The following GRXCR1 variants were observed in gnomAD, a reference collection of about 807,000 sequenced individuals.
GRXCR1 encodes the protein glutaredoxin and cysteine rich domain containing 1.
A neutral mutation model predicts 27.3 loss-of-function variants in GRXCR1; 27 were observed. The observed-to-expected ratio is 0.99, with a 90% CI of 0.73 to 1.37. The LOEUF is 1.37. Ranked by LOEUF, GRXCR1 falls within the 40% of genes most tolerant of loss-of-function variation. GRXCR1 has a pLI of 0.00. For synonymous variants in GRXCR1, 122 were observed against 131.1 expected (o/e 0.93, Z 0.47); for missense variants, 379 against 354.4 (o/e 1.07, Z -0.56).
intron 2 of GRXCR1, among the ~76,000 whole-genome samples, chr4:42,982,756 T>C (rs1347573998): frequency 1.3e-5 from 2 of 148,932 alleles, no homozygotes; most frequent in Admixed American, 6.7e-5. Flanking sequence ...TTCTAACTGG[T>C]GTGAGATGGT....
intron 1 of GRXCR1, among the ~76,000 whole-genome samples, chr4:42,899,652 C>G (rs1746421485): frequency 6.6e-6 from 1 of 152,106 alleles, no homozygotes; most frequent in African/African-American, 2.4e-5. Context: ...TGTATAATGA[C>G]TTTTATCTTG....
At chr4:42,905,829 G>A (rs1169860998) in intron 1 of GRXCR1, among the ~76,000 whole-genome samples, 1 of 152,192 alleles carries the variant, frequency 6.6e-6, no homozygotes, top group African/African-American at 2.4e-5. Flanking sequence ...GGGCAGGAAT[G>A]TATCTGGCAT....
chr4:43,025,612 C>T (rs918797654), intron 3 of GRXCR1, among the ~76,000 whole-genome samples: 7 of 152,224 alleles, frequency 4.6e-5, no homozygotes, highest in African/African-American at 1.7e-4. Flanking sequence ...GTGCTATTCT[C>T]AACCAGGTCT....
intron 2 of GRXCR1, among the ~76,000 whole-genome samples, chr4:43,009,557 A>C (rs950268769): frequency 3.9e-5 from 6 of 152,158 alleles, no homozygotes; most frequent in African/African-American, 1.2e-4. Flanking sequence ...CATTTCTGTC[A>C]ATTGTGAGAC....
chr4:42,972,556 A>T (rs1336619934), intron 2 of GRXCR1, among the ~76,000 whole-genome samples: 1 of 152,170 alleles, frequency 6.6e-6, no homozygotes, highest in Non-Finnish European at 1.5e-5. Flanking sequence ...GTTTTTAGTC[A>T]TAAGAACAAT....
At chr4:42,998,724 G>A (rs1051549277) in intron 2 of GRXCR1, among the ~76,000 whole-genome samples, 1 of 152,216 alleles carries the variant, frequency 6.6e-6, no homozygotes, top group African/African-American at 2.4e-5. Context: ...CCATAAGGCA[G>A]AGGGTCTTGT....
At chr4:43,018,914 A>C (rs776518364) in intron 2 of GRXCR1, among the ~76,000 whole-genome samples, 2 of 152,162 alleles carry the variant, frequency 1.3e-5, no homozygotes, top group Non-Finnish European at 2.9e-5. Context: ...ATAAATGAAG[A>C]GATATAACTT....
chr4:42,899,821 A>G (rs1746424334), intron 1 of GRXCR1, among the ~76,000 whole-genome samples: 2 of 152,170 alleles, frequency 1.3e-5, no homozygotes, highest in Admixed American at 1.3e-4. Context: ...GAATCTTTGT[A>G]TCATGACATT....
chr4:42,932,997 A>G (rs531094329), intron 1 of GRXCR1, among the ~76,000 whole-genome samples: 11 of 151,806 alleles, frequency 7.2e-5, no homozygotes, highest in African/African-American at 2.4e-5. Flanking sequence ...GATTCTAGGG[A>G]ACATCAGATA....
chr4:42,979,246 A>T (rs952398148), intron 2 of GRXCR1, among the ~76,000 whole-genome samples: 12 of 152,056 alleles, frequency 7.9e-5, no homozygotes, highest in African/African-American at 2.9e-4. Flanking sequence ...GAGAGTAGGC[A>T]TCCTTGTCTT....
At chr4:43,013,199 A>C (rs1387136185) in intron 2 of GRXCR1, among the ~76,000 whole-genome samples, 1 of 152,202 alleles carries the variant, frequency 6.6e-6, no homozygotes, top group Non-Finnish European at 1.5e-5. Context: ...TCTACCAAAA[A>C]GACACATGCA....
At chr4:42,957,290 A>G (rs1361161326) in intron 1 of GRXCR1, among the ~76,000 whole-genome samples, 1 of 152,048 alleles carries the variant, frequency 6.6e-6, no homozygotes, top group East Asian at 1.9e-4. Context: ...TTCTATATTT[A>G]TGTGATATTT....
chr4:42,974,798 A>G (rs1748473133), intron 2 of GRXCR1, among the ~76,000 whole-genome samples: 1 of 152,150 alleles, frequency 6.6e-6, no homozygotes, highest in Admixed American at 6.6e-5. Context: ...TAAACACATT[A>G]GTGTTCCTGT....
At chr4:42,916,410 T>A (rs2109748148) in intron 1 of GRXCR1, among the ~76,000 whole-genome samples, 1 of 152,312 alleles carries the variant, frequency 6.6e-6, no homozygotes, top group East Asian at 1.9e-4. Flanking sequence ...GATTCAAATG[T>A]TAAGCAAATG....
intron 2 of GRXCR1, among the ~76,000 whole-genome samples, chr4:42,991,744 A>G (rs920920437): frequency 2.6e-5 from 4 of 151,980 alleles, no homozygotes; most frequent in African/African-American, 9.7e-5. Context: ...TCCTCTGTTT[A>G]TATACTGTAT....
At chr4:42,987,925 T>G (rs1395159295) in intron 2 of GRXCR1, among the ~76,000 whole-genome samples, 2 of 152,282 alleles carry the variant, frequency 1.3e-5, no homozygotes, top group East Asian at 3.9e-4. Flanking sequence ...TACCTTCTAT[T>G]GTGGCTGCCA....
At chr4:42,931,927 G>C (rs1355591405) in intron 1 of GRXCR1, among the ~76,000 whole-genome samples, 1 of 151,928 alleles carries the variant, frequency 6.6e-6, no homozygotes, top group Non-Finnish European at 1.5e-5. Context: ...TGGTGGAAGA[G>C]CAAGGGACGT....
intron 2 of GRXCR1, among the ~76,000 whole-genome samples, chr4:43,005,706 C>T (rs554583504): frequency 7.9e-5 from 12 of 152,134 alleles, no homozygotes; most frequent in Non-Finnish European, 1.6e-4. Flanking sequence ...AGTGAGACTC[C>T]AGATGTGGGT....
intron 2 of GRXCR1, among the ~76,000 whole-genome samples, chr4:43,016,545 TAA>T (rs1712936425): frequency 6.6e-6 from 1 of 152,188 alleles, no homozygotes; most frequent in Non-Finnish European, 1.5e-5. Context: ...CAATTATAAA[TAA>T]GTTTACATTT....
Sources: allele counts gnomAD v4.1 joint callset (sites outside exome capture counted in the v4.1 genomes callset), GRCh38; gene constraint gnomAD v4.1.1; transcripts MANE v1.5; gene names NCBI Gene and HGNC (gene_info 2026-07-23, HGNC 2026-07-21).